Variants in PTPRD observed in about 807,000 individuals in gnomAD.
PTPRD encodes protein tyrosine phosphatase receptor type D.
PTPRD carries 34 observed loss-of-function variants against 214.5 expected under a neutral mutation model. The observed-to-expected ratio is 0.16, with a 90% confidence interval of 0.12 to 0.21. PTPRD has a LOEUF of 0.21. Ranked by LOEUF, PTPRD falls within the 10% of genes least tolerant of loss-of-function variation. PTPRD has a pLI of 1.00. For synonymous variants in PTPRD, 1,128 were observed against 845.7 expected (o/e 1.33, Z -5.79); for missense variants, 2,545 against 2,398.7 (o/e 1.06, Z -1.27).
intron 5 of PTPRD, among the ~76,000 whole-genome samples, chr9:9,776,903 C>A (rs1324813390): frequency 6.6e-6 from 1 of 152,102 alleles, no homozygotes; most frequent in Non-Finnish European, 1.5e-5. Context: ...ACACATTTTC[C>A]AGTCAGTACA....
At chr9:10,415,506 G>A (rs763948365) in intron 2 of PTPRD, among the ~76,000 whole-genome samples, 6 of 151,824 alleles carry the variant, frequency 4.0e-5, no homozygotes, top group South Asian at 2.1e-4. Context: ...GTAAGAGAAA[G>A]ATTTATTAAG....
intron 2 of PTPRD, among the ~76,000 whole-genome samples, chr9:10,457,822 A>G (rs1025459358): frequency 6.6e-6 from 1 of 152,050 alleles, no homozygotes; most frequent in African/African-American, 2.4e-5. Context: ...CCTTTTTTGA[A>G]AACATAAAAT....
intron 4 of PTPRD, among the ~76,000 whole-genome samples, chr9:9,947,080 C>G (rs909949012): frequency 6.6e-6 from 1 of 150,376 alleles, no homozygotes; most frequent in African/African-American, 2.4e-5. Flanking sequence ...AAGAAATGAT[C>G]TTTTTATAAA....
At chr9:9,415,017 G>A (rs140335277) in intron 8 of PTPRD, among the ~76,000 whole-genome samples, 84 of 152,246 alleles carry the variant, frequency 5.5e-4, no homozygotes, top group African/African-American at 1.7e-3. Flanking sequence ...AACTTTTAAC[G>A]AGAGGACTGC....
intron 35 of PTPRD, among the ~76,000 whole-genome samples, chr9:8,423,345 A>G (rs540814157): frequency 6.6e-6 from 1 of 152,154 alleles, no homozygotes; most frequent in Non-Finnish European, 1.5e-5. Context: ...ATGGAAATAA[A>G]TGTAGGTAGG....
At chr9:10,250,245 C>A (rs1177124272) in intron 3 of PTPRD, among the ~76,000 whole-genome samples, 1 of 152,082 alleles carries the variant, frequency 6.6e-6, no homozygotes, top group Non-Finnish European at 1.5e-5. Context: ...AAGCAAGTGA[C>A]TTCCTTCAAG....
intron 9 of PTPRD, among the ~76,000 whole-genome samples, chr9:9,360,872 C>G (rs2055854417): frequency 6.6e-6 from 1 of 151,010 alleles, no homozygotes; most frequent in Non-Finnish European, 1.5e-5. Flanking sequence ...ATATCTTTCA[C>G]TTGGTGACAG....
In PTPRD at chr9:8,585,116, T is replaced by C. The variant is rs117080885; in HGVS notation, c.352+48201A>G. 1.0e-2 allele frequency among the ~76,000 whole-genome samples: 1,519 copies of C among 152,260 alleles called. 12 individuals carry two copies. Among genetic ancestry groups the C allele is most frequent in the Non-Finnish European group, 0.014 (971 of 68,008 alleles). ...ACTGTTAAAGTACTTTAAAGTACTT[T>C]AAGGCTCAAATGAATACAATGCTTG... On this transcript the variant is annotated intron_variant, in intron 14 of 45. Transcript: ENST00000381196.
At chr9:9,879,724 CTGAGA>C (rs1369586844) in intron 5 of PTPRD, among the ~76,000 whole-genome samples, 2 of 152,090 alleles carry the variant, frequency 1.3e-5, no homozygotes, top group East Asian at 3.9e-4. Flanking sequence ...TGAGATGTCT[CTGAGA>C]TAAGATCAGA....
At chr9:9,466,843 T>C (rs2094197683) in intron 8 of PTPRD, among the ~76,000 whole-genome samples, 1 of 152,178 alleles carries the variant, frequency 6.6e-6, no homozygotes, top group African/African-American at 2.4e-5. Context: ...CTCAGTCTTT[T>C]TTTGTCTTCC....
At chr9:9,107,757 G>C (rs929114994) in intron 10 of PTPRD, among the ~76,000 whole-genome samples, 4 of 152,122 alleles carry the variant, frequency 2.6e-5, no homozygotes, top group African/African-American at 9.7e-5. Flanking sequence ...AGAGATGATA[G>C]CACATTCTTT....
intron 7 of PTPRD, among the ~76,000 whole-genome samples, chr9:9,677,791 A>T (rs900096907): frequency 3.9e-5 from 6 of 152,134 alleles, no homozygotes; most frequent in Non-Finnish European, 7.4e-5. Flanking sequence ...CCCTGTTTGC[A>T]GATGACATGA....
chr9:10,131,491 T>G (rs1276831675), intron 3 of PTPRD, among the ~76,000 whole-genome samples: 2 of 152,122 alleles, frequency 1.3e-5, no homozygotes, highest in Non-Finnish European at 2.9e-5. Context: ...CAGGGTTGAA[T>G]AAGGAAAATA....
At chr9:8,978,160 T>G (rs117685621) in intron 11 of PTPRD, among the ~76,000 whole-genome samples, 117 of 152,112 alleles carry the variant, frequency 7.7e-4, no homozygotes, top group Non-Finnish European at 1.2e-3. Context: ...AACGTAAATT[T>G]TGGGGAAGGG....
At chr9:8,833,709 T>A (rs879598898) in intron 11 of PTPRD, among the ~76,000 whole-genome samples, 10 of 135,348 alleles carry the variant, frequency 7.4e-5, no homozygotes, top group Non-Finnish European at 1.4e-4. Flanking sequence ...TCTATATATA[T>A]ATATATACAC....
At chr9:9,438,136 C>G (rs575440944) in intron 8 of PTPRD, among the ~76,000 whole-genome samples, 3 of 152,204 alleles carry the variant, frequency 2.0e-5, no homozygotes, top group African/African-American at 4.8e-5. Context: ...TAGAGCTCAA[C>G]CTAATAAATT....
At chr9:9,767,880 A>C (rs1465672050) in intron 5 of PTPRD, among the ~76,000 whole-genome samples, 1 of 152,174 alleles carries the variant, frequency 6.6e-6, no homozygotes, top group East Asian at 1.9e-4. Flanking sequence ...CTTATGATTT[A>C]AGGGATTGGT....
At chr9:8,950,343 C>T (rs974579872) in intron 11 of PTPRD, among the ~76,000 whole-genome samples, 4 of 151,788 alleles carry the variant, frequency 2.6e-5, no homozygotes, top group African/African-American at 9.7e-5. Flanking sequence ...TAAAATTTTC[C>T]AACATATTCC....
At chr9:10,266,001 G>C (rs946586636) in intron 3 of PTPRD, among the ~76,000 whole-genome samples, 2 of 152,046 alleles carry the variant, frequency 1.3e-5, no homozygotes, top group African/African-American at 4.8e-5. Flanking sequence ...GTAAAACTTT[G>C]AATATATTAC....
Sources: gnomAD v4.1 joint callset for allele counts (sites outside exome capture counted in the v4.1 genomes callset) on GRCh38, gnomAD v4.1.1 for gene constraint, MANE v1.5 for transcripts, NCBI Gene and HGNC (gene_info 2026-07-23, HGNC 2026-07-21) for gene names.